KIAA0232: variants seen among roughly 807,000 people sequenced by gnomAD.
KIAA0232 encodes KIAA0232.
In KIAA0232, 27 loss-of-function variants were observed where a neutral mutation model predicts 122.0. The ratio of observed to expected loss-of-function variants is 0.22; its 90% CI spans 0.16 to 0.31. The LOEUF is 0.31. Among genes scored for constraint, KIAA0232 ranks in the 10% least tolerant of loss-of-function variants. The pLI is 1.00. For missense variants in KIAA0232, 1,551 were observed against 1,634.2 expected, an observed-to-expected ratio of 0.95 and a Z score of 0.88; for synonymous variants, 613 against 587.6, an observed-to-expected ratio of 1.04 and a Z score of -0.63.
At chr4:6,820,050 G>C (rs922828147) in intron 2 of KIAA0232, among the ~76,000 whole-genome samples, 1 of 152,110 alleles carries the variant, frequency 6.6e-6, no homozygotes, top group East Asian at 1.9e-4. Context: ...TTAAACATCA[G>C]TTACTTGTGG....
At chr4:6,819,627 A>G (rs1003303474) in intron 2 of KIAA0232, among the ~76,000 whole-genome samples, 1 of 152,220 alleles carries the variant, frequency 6.6e-6, no homozygotes, top group Non-Finnish European at 1.5e-5. Flanking sequence ...TGCAGAGAAA[A>G]GGGAACACTC....
At chr4:6,847,747 GCA>G (rs1309555794) in intron 4 of KIAA0232, among the ~76,000 whole-genome samples, 1 of 151,986 alleles carries the variant, frequency 6.6e-6, no homozygotes, top group Non-Finnish European at 1.5e-5. Context: ...TCCTCCAGAT[GCA>G]TATTTTTTAG....
At chr4:6,857,999 G>A (rs1009050786) in intron 5 of KIAA0232, among the ~76,000 whole-genome samples, 11 of 152,206 alleles carry the variant, frequency 7.2e-5, no homozygotes, top group Admixed American at 7.2e-4. Flanking sequence ...TTAAGTAATA[G>A]AGCAAATTGT....
Position 6,871,624 on chromosome 4 carries a change from A to G in KIAA0232, c.3852A>G (p.Lys1284=), listed in dbSNP as rs780037651. 1.2e-5 allele frequency: 20 copies of G among 1,613,128 alleles called. No homozygotes were observed. Among genetic ancestry groups the G allele is most frequent in the Non-Finnish European group, 1.6e-5 (19 of 1,179,170 alleles). ...AAGGAATGAATAGAAGTCAAGAAAA[A>G]CAGACCTGGTGGGAAAAAGCCTTGT... ...DIQGMNRSQE[K]QTWWEKALYS... is the part of the protein sequence containing the mutation. The change falls in exon 8 of 10, where the codon AAA becomes AAG. Residue 1284 remains lysine (K), a synonymous_variant. Transcript: ENST00000307659.
chr4:6,876,176 A>C (rs1168078561), intron 8 of KIAA0232, among the ~76,000 whole-genome samples: 19 of 152,222 alleles, frequency 1.2e-4, no homozygotes. Context: ...GAGGAAGAAC[A>C]CACAAGGACG....
chr4:6,824,772 C>A, intron 3 of KIAA0232, 88 bp downstream of exon 3: 1 of 1,094,964 alleles, frequency 9.1e-7, no homozygotes. Flanking sequence ...TACTTTAAAA[C>A]TGAGCTATTC....
In KIAA0232 at chr4:6,862,543, C is replaced by G; in HGVS notation, c.2161C>G (p.Arg721Gly). ...TCCATGGTCCCATTCAGAAGAAACA[C>G]GTTCAGACAATGAAACATTAAATAT... is the stretch of plus-strand genomic sequence containing the variant. ...CSPWSHSEET[R>G]SDNETLNIQF... The change falls in exon 7 of 10, where the codon CGT becomes GGT. Residue 721 changes from arginine to glycine, a missense_variant. Transcript: ENST00000307659. 6.2e-7 allele frequency: 1 copy of G among 1,613,340 alleles called. No homozygotes were observed.
intron 4 of KIAA0232, among the ~76,000 whole-genome samples, chr4:6,850,003 T>A (rs933316271): frequency 3.3e-5 from 5 of 152,138 alleles, no homozygotes; most frequent in Non-Finnish European, 7.4e-5. Flanking sequence ...CTAGCCCAGA[T>A]CTTCTGATCT....
chr4:6,825,972 C>G (rs909946256), intron 3 of KIAA0232, among the ~76,000 whole-genome samples: 5 of 152,098 alleles, frequency 3.3e-5, no homozygotes, highest in African/African-American at 1.2e-4. Flanking sequence ...TTTTTTGAGA[C>G]AGGGTCTTGC....
intron 6 of KIAA0232, among the ~76,000 whole-genome samples, chr4:6,859,921 C>T (rs1415670147): frequency 6.6e-6 from 1 of 152,200 alleles, no homozygotes; most frequent in Non-Finnish European, 1.5e-5. Context: ...TTTTTCTACG[C>T]TGCATTTCTG....
At chr4:6,783,074 G>A (rs1464138530) in intron 1 of KIAA0232, among the ~76,000 whole-genome samples, 1 of 150,634 alleles carries the variant, frequency 6.6e-6, no homozygotes, top group Non-Finnish European at 1.5e-5. Flanking sequence ...GGGCCAGCCT[G>A]AGGGAGACCG....
chr4:6,877,439 G>C (rs1352188748), intron 9 of KIAA0232, among the ~76,000 whole-genome samples: 5 of 152,180 alleles, frequency 3.3e-5, no homozygotes, highest in African/African-American at 1.2e-4. Context: ...AATTGTCAGT[G>C]TATTAGGGTT....
intron 2 of KIAA0232, among the ~76,000 whole-genome samples, chr4:6,808,972 A>G (rs1202392099): frequency 2.0e-5 from 3 of 152,196 alleles, no homozygotes; most frequent in African/African-American, 4.8e-5. Flanking sequence ...AGAGAATAGT[A>G]TAAAAGGACA....
At chr4:6,816,684 G>A (rs895246323) in intron 2 of KIAA0232, among the ~76,000 whole-genome samples, 9 of 152,086 alleles carry the variant, frequency 5.9e-5, no homozygotes, top group Admixed American at 3.3e-4. Context: ...TTGGAATTAC[G>A]CTTTTCTTAA....
At position 6,856,291 on chromosome 4, in the gene KIAA0232, A is replaced by C. The variant is rs550217720; in HGVS notation, c.370-873A>C. Among the ~76,000 whole-genome samples, 10 of 152,298 alleles carry C rather than the reference A, an allele frequency of 6.6e-5. No homozygotes were observed. The South Asian group carries it at 1.9e-3, about 28-fold the overall frequency. ...GTTTGGGTTATGCCCACCAATAAGG[A>C]CTTGATTCCAGTTTAAATAGGACTT... On this transcript the variant is annotated intron_variant, in intron 4 of 9. Coordinates refer to ENST00000307659, the MANE Select transcript of KIAA0232 (RefSeq NM_014743.3).
At chr4:6,787,833 C>T (rs1716697345) in intron 1 of KIAA0232, among the ~76,000 whole-genome samples, 1 of 152,178 alleles carries the variant, frequency 6.6e-6, no homozygotes, top group African/African-American at 2.4e-5. Context: ...CTCAACATTT[C>T]CCTCTATTCC....
In KIAA0232 at chr4:6,883,152, C is replaced by G. The variant is rs1722165115; in HGVS notation, c.*2186C>G. On this transcript the variant is annotated 3_prime_UTR_variant, in exon 10 of 10. Transcript: ENST00000307659. Reference sequence around the variant, plus strand: ...TTTTAGTTTTGTGAATGGATGATCACAAAGAAAAAGCATTTTTAAAAAGTT... The same window carrying G: ...TTTTAGTTTTGTGAATGGATGATCAGAAAGAAAAAGCATTTTTAAAAAGTT... The G allele has an allele frequency of 6.6e-6, 1 of 152,596 alleles. No homozygotes were observed. Among genetic ancestry groups the G allele is most frequent in the Non-Finnish European group, 1.5e-5 (1 of 68,008 alleles). 9.5% of individuals were successfully genotyped at this position (152,596 alleles called of 1,614,324 possible).
In KIAA0232 at chr4:6,864,090, C is replaced by G. The variant is rs756910062; in HGVS notation, c.3708C>G (p.Cys1236Trp). 6.2e-7 allele frequency: 1 copy of G among 1,613,898 alleles called. No homozygotes were observed. Among genetic ancestry groups the G allele is most frequent in the Non-Finnish European group, 8.5e-7 (1 of 1,179,998 alleles). ...CAAATTGTAAAATAATGGCACAATG[C>G]GAGGAAGAAATTAATAATTTTTGTG... ...SEANCKIMAQ[C>W]EEEINNFCGC... The change falls in exon 7 of 10, where the codon TGC becomes TGG. Residue 1236 changes from cysteine to tryptophan, a missense_variant. Around this residue, in one of 5 missense-constraint regions of KIAA0232, gnomAD observed 1,108 missense variants for 1,154.8 expected, o/e 0.96. Transcript: ENST00000307659.
chr4:6,789,015 G>A (rs1026877500), intron 1 of KIAA0232, among the ~76,000 whole-genome samples: 1 of 151,732 alleles, frequency 6.6e-6, no homozygotes, highest in Non-Finnish European at 1.5e-5. Context: ...CTGTCGCCCA[G>A]GCTCGAGTGC....
Sources: gnomAD v4.1 joint callset for allele counts (sites outside exome capture counted in the v4.1 genomes callset) on GRCh38, gnomAD v4.1.1 for gene constraint, gnomAD v4.1.1 regional missense constraint, MANE v1.5 for transcripts, NCBI Gene and HGNC (gene_info 2026-07-23, HGNC 2026-07-21) for gene names.